The following TBC1D19 variants were observed in gnomAD, a reference collection of about 807,000 sequenced individuals.
TBC1D19 encodes TBC1 domain family member 19.
Under a neutral mutation model 89.0 loss-of-function variants are expected in TBC1D19, and 60 were observed. That is an observed-to-expected ratio of 0.67 (90% CI 0.55 to 0.84). The LOEUF (loss-of-function observed/expected upper bound fraction) is 0.84, where lower values mean the gene tolerates loss of function less well. TBC1D19 is among the 40% of genes least tolerant of loss of function. The pLI is 0.00. For missense variants in TBC1D19, 500 were observed against 610.8 expected (o/e 0.82, Z 1.91); for synonymous variants, 189 against 199.7 (o/e 0.95, Z 0.45).
intron 8 of TBC1D19, among the ~76,000 whole-genome samples, chr4:26,660,930 G>C (rs1745185616): frequency 6.6e-6 from 1 of 152,032 alleles, no homozygotes; most frequent in African/African-American, 2.4e-5. Context: ...CACATTTCTG[G>C]TATGACCTAT....
At chr4:26,804,440 C>T in the TBC1D19 span, among the ~76,000 whole-genome samples, 2 of 152,246 alleles carry the variant, frequency 1.3e-5, no homozygotes, top group Non-Finnish European at 2.9e-5. Context: ...GCCACACGTG[C>T]GCTGCCCTGT....
At chr4:26,820,811 G>A in the TBC1D19 span, among the ~76,000 whole-genome samples, 1 of 152,068 alleles carries the variant, frequency 6.6e-6, no homozygotes, top group Non-Finnish European at 1.5e-5. Flanking sequence ...TTTCACCATA[G>A]CACCTACTCC....
intron 13 of TBC1D19, among the ~76,000 whole-genome samples, chr4:26,697,541 C>T (rs1317370251): frequency 3.3e-5 from 5 of 152,150 alleles, no homozygotes; most frequent in Admixed American, 2.6e-4. Context: ...ATACCAAAGC[C>T]TGGCAGAGAC....
chr4:26,614,593 A>T (rs1045791919), intron 3 of TBC1D19, 140 bp downstream of exon 3: 2 of 523,436 alleles, frequency 3.8e-6, no homozygotes, highest in Admixed American at 4.1e-5. Context: ...GTAAGTTGAT[A>T]CAATTAAAAA....
the TBC1D19 span, among the ~76,000 whole-genome samples, chr4:26,832,540 G>A: frequency 6.6e-6 from 1 of 152,166 alleles, no homozygotes; most frequent in African/African-American, 2.4e-5. Context: ...CTATCTTCCT[G>A]TTTAATGTTT....
At chr4:26,856,848 AAAC>A in the TBC1D19 span, among the ~76,000 whole-genome samples, 2 of 152,196 alleles carry the variant, frequency 1.3e-5, no homozygotes, top group African/African-American at 4.8e-5. Context: ...TTAATAATAT[AAAC>A]GACTCACCCC....
chr4:26,636,564 G>T (rs1172298397), intron 4 of TBC1D19, among the ~76,000 whole-genome samples: 1 of 149,754 alleles, frequency 6.7e-6, no homozygotes, highest in Admixed American at 6.6e-5. Context: ...AACAACCAAT[G>T]AAATGTAATG....
chr4:26,631,940 G>A (rs1742830600), intron 4 of TBC1D19, among the ~76,000 whole-genome samples: 1 of 151,940 alleles, frequency 6.6e-6, no homozygotes, highest in Non-Finnish European at 1.5e-5. Context: ...GTTAAATTTA[G>A]AGTTGGTAAA....
intron 15 of TBC1D19, among the ~76,000 whole-genome samples, chr4:26,725,474 C>T (rs1717254802): frequency 6.6e-6 from 1 of 151,910 alleles, no homozygotes; most frequent in South Asian, 2.1e-4. Context: ...TGCAGTGGGC[C>T]GATAATGAAC....
rs760463237 is a variant in TBC1D19 at position 26,748,557 on chromosome 4, T to C, written c.1435+31T>C. On this transcript the variant is annotated intron_variant, in intron 19 of 20. Coordinates refer to ENST00000264866, the MANE Select transcript of TBC1D19 (RefSeq NM_018317.4). ...AGTAAATGCTTGTTTGTAGAACACATGCTGTTTCTATAATAAGTCCCCTTT... is the reference window on the plus strand; with the variant it reads ...AGTAAATGCTTGTTTGTAGAACACACGCTGTTTCTATAATAAGTCCCCTTT... 2.7e-6 allele frequency: 4 copies of C among 1,477,790 alleles called. No individual in the cohort carries two copies. The South Asian group carries it at 3.5e-5, about 13-fold the overall frequency. 91.5% of individuals were successfully genotyped at this position (1,477,790 alleles called of 1,614,324 possible).
intron 12 of TBC1D19, among the ~76,000 whole-genome samples, chr4:26,684,931 G>A (rs1385803518): frequency 1.3e-5 from 2 of 152,158 alleles, no homozygotes; most frequent in Non-Finnish European, 2.9e-5. Context: ...CATTATAAAT[G>A]TATTGTTTTT....
At chr4:26,822,603 C>T in the TBC1D19 span, among the ~76,000 whole-genome samples, 7 of 152,084 alleles carry the variant, frequency 4.6e-5, 1 homozygote, top group Admixed American at 1.3e-4. Context: ...GGGCCCTTTA[C>T]GTAATGCTAT....
upstream of TBC1D19, among the ~76,000 whole-genome samples, chr4:26,581,253 A>C (rs112177964): frequency 3.3e-5 from 5 of 152,320 alleles, no homozygotes; most frequent in African/African-American, 9.6e-5. Flanking sequence ...ACATGTGCAG[A>C]ACGTGCAGGT....
At chr4:26,640,293 A>G in intron 7 of TBC1D19, 106 bp downstream of exon 7, 3 of 870,352 alleles carry the variant, frequency 3.4e-6, no homozygotes, top group Non-Finnish European at 5.5e-6. Context: ...AAAAAGCCCC[A>G]GAGTCACTGA....
chr4:26,591,587 C>T (rs1199306706), intron 1 of TBC1D19, among the ~76,000 whole-genome samples: 1 of 152,226 alleles, frequency 6.6e-6, no homozygotes, highest in East Asian at 1.9e-4. Context: ...TGATAGACCA[C>T]TAGCAAGGCT....
At chr4:26,829,956 G>A in the TBC1D19 span, among the ~76,000 whole-genome samples, 2 of 152,220 alleles carry the variant, frequency 1.3e-5, no homozygotes, top group African/African-American at 4.8e-5. Context: ...TCGGGGAATG[G>A]CAATGGCTTC....
At chr4:26,641,092 GCCT>G (rs1290309897) in intron 7 of TBC1D19, among the ~76,000 whole-genome samples, 1 of 152,216 alleles carries the variant, frequency 6.6e-6, no homozygotes, top group Non-Finnish European at 1.5e-5. Flanking sequence ...CAGACAGACT[GCCT>G]CCTCAAGTGG....
At chr4:26,754,805 T>C in intron 20 of TBC1D19, 68 bp from the exon 21 acceptor site, 1 of 1,269,916 alleles carries the variant, frequency 7.9e-7, no homozygotes, top group Non-Finnish European at 1.1e-6. Flanking sequence ...AATTACATTG[T>C]AATTATGTTT....
downstream of TBC1D19, among the ~76,000 whole-genome samples, chr4:26,758,311 T>C (rs1343454118): frequency 2.0e-5 from 3 of 152,240 alleles, no homozygotes; most frequent in Non-Finnish European, 4.4e-5. Context: ...CATGTATGTC[T>C]GTATCCCTTG....
Sources: allele counts gnomAD v4.1 joint callset (sites outside exome capture counted in the v4.1 genomes callset), GRCh38; gene constraint gnomAD v4.1.1; transcripts MANE v1.5; gene names NCBI Gene and HGNC (gene_info 2026-07-23, HGNC 2026-07-21).